The following PTCHD4 variants were observed in gnomAD, a reference collection of about 807,000 sequenced individuals.
PTCHD4 encodes the protein patched domain containing 4.
Under a neutral mutation model 58.1 loss-of-function variants are expected in PTCHD4, and 33 were observed. The observed-to-expected ratio is 0.57, with a 90% confidence interval of 0.43 to 0.76. The LOEUF (loss-of-function observed/expected upper bound fraction) is 0.76. Ranked by LOEUF, PTCHD4 falls within the 30% of genes least tolerant of loss-of-function variation. The pLI is 0.00. For missense variants in PTCHD4, 1,058 were observed against 1,027.1 expected (o/e 1.03, Z -0.41); for synonymous variants, 478 against 409.6 (o/e 1.17, Z -2.02).
intron 3 of PTCHD4, among the ~76,000 whole-genome samples, chr6:48,036,431 T>C (rs1763639017): frequency 6.6e-6 from 1 of 152,112 alleles, no homozygotes; most frequent in Non-Finnish European, 1.5e-5. Flanking sequence ...GAATAACTAA[T>C]TCATAAGTTT....
rs1230913620 is a variant in PTCHD4, at chr6:48,092,797, G to A, written c.-970+18252C>T. On this transcript the variant is annotated intron_variant, in intron 1 of 4. Transcript: ENST00000339488. ...AACTCCCCTTCCCTAGCATGGGAAT[G>A]GGTCTCAGTGAGGCCACCAAGGCAA... 2.6e-5 allele frequency among the ~76,000 whole-genome samples: 4 copies of A among 152,186 alleles called. No homozygotes were observed. The South Asian group carries it at 8.3e-4, about 32-fold the overall frequency.
At chr6:48,083,968 C>A (rs1283146103) in intron 1 of PTCHD4, among the ~76,000 whole-genome samples, 1 of 152,024 alleles carries the variant, frequency 6.6e-6, no homozygotes, top group Admixed American at 6.5e-5. Context: ...GACTTTTGAG[C>A]TAAATATCTG....
chr6:47,984,046 G>A (rs1581971962), intron 4 of PTCHD4, among the ~76,000 whole-genome samples: 1 of 151,958 alleles, frequency 6.6e-6, no homozygotes, highest in Non-Finnish European at 1.5e-5. Flanking sequence ...ATCAATAAGT[G>A]TTTTATTAGA....
Position 47,876,763 on chromosome 6 carries a change from C to A in PTCHD4, c.*1540G>T, listed in dbSNP as rs1051917078. Among the ~76,000 whole-genome samples the A allele has an allele frequency of 4.6e-5, 7 of 151,990 alleles. No homozygotes were observed. Among genetic ancestry groups the A allele is most frequent in the Admixed American group, 3.9e-4 (6 of 15,232 alleles). On this transcript the variant is annotated 3_prime_UTR_variant, in exon 5 of 5. Transcript: ENST00000339488. The stretch of plus-strand genomic sequence containing the variant: ...TGCTTGGCATGGGAAAAGGCATTTT[C>A]TAGTAATTTCCTGTGACAGGAGGCA...
intron 3 of PTCHD4, among the ~76,000 whole-genome samples, chr6:48,039,292 A>C (rs1374176418): frequency 1.3e-5 from 2 of 152,184 alleles, no homozygotes. Flanking sequence ...TTAGCAAGGA[A>C]CATATACTAT....
chr6:47,987,303 T>C (rs1413399408), intron 4 of PTCHD4, among the ~76,000 whole-genome samples: 1 of 150,576 alleles, frequency 6.6e-6, no homozygotes, highest in Non-Finnish European at 1.5e-5. Flanking sequence ...ATATACCCAA[T>C]GCTAAATGAT....
intron 4 of PTCHD4, among the ~76,000 whole-genome samples, chr6:47,929,098 T>C (rs1206364216): frequency 2.0e-5 from 3 of 152,202 alleles, no homozygotes; most frequent in Non-Finnish European, 4.4e-5. Context: ...TAATATTTCA[T>C]TTTAATAACC....
chr6:47,975,401 A>T (rs534309957), intron 4 of PTCHD4, among the ~76,000 whole-genome samples: 179 of 152,158 alleles, frequency 1.2e-3, no homozygotes, highest in African/African-American at 2.9e-3. Flanking sequence ...TACATTTTTT[A>T]AAAAAATTAT....
chr6:47,891,495 C>T (rs1369858360), intron 4 of PTCHD4, among the ~76,000 whole-genome samples: 2 of 152,124 alleles, frequency 1.3e-5, no homozygotes, highest in Admixed American at 6.5e-5. Context: ...GACTAAATCT[C>T]TTCCTTTCAA....
chr6:47,883,711 C>G (rs924139280), intron 4 of PTCHD4, among the ~76,000 whole-genome samples: 1 of 152,070 alleles, frequency 6.6e-6, no homozygotes, highest in Non-Finnish European at 1.5e-5. Context: ...TCTTTATTGT[C>G]GGGGACTGTC....
At chr6:47,881,383 G>A (rs1225201062) in intron 4 of PTCHD4, among the ~76,000 whole-genome samples, 1 of 152,128 alleles carries the variant, frequency 6.6e-6, no homozygotes, top group African/African-American at 2.4e-5. Context: ...AACTAGAGGT[G>A]TTTCATGTGA....
At chr6:47,916,485 C>A (rs1291042678) in intron 4 of PTCHD4, among the ~76,000 whole-genome samples, 1 of 152,116 alleles carries the variant, frequency 6.6e-6, no homozygotes, top group Admixed American at 6.5e-5. Context: ...TCTCTCCCCA[C>A]CACCTACAAA....
rs1763696410 is a variant in PTCHD4 at position 47,870,815 on chromosome 6, G to A, written c.*7488C>T. ...AGGTAGCTTTAGTTGTAGAGCCCAA[G>A]GTACAGAACTACAGAGCAGAAACCT... is the stretch of plus-strand genomic sequence containing the variant. On this transcript the variant is annotated 3_prime_UTR_variant, in exon 5 of 5. Coordinates refer to ENST00000339488, the MANE Select transcript of PTCHD4 (RefSeq NM_001384253.1). Among the ~76,000 whole-genome samples the A allele has an allele frequency of 6.6e-6, 1 of 151,440 alleles. No individual in the cohort carries two copies. Among genetic ancestry groups the A allele is most frequent in the African/African-American group, 2.4e-5 (1 of 41,336 alleles).
intron 4 of PTCHD4, among the ~76,000 whole-genome samples, chr6:47,946,189 A>G (rs1435077425): frequency 6.6e-6 from 1 of 152,078 alleles, no homozygotes; most frequent in Non-Finnish European, 1.5e-5. Context: ...TCTCACTCTC[A>G]GTGCATGATT....
In PTCHD4 at chr6:47,880,210, G is replaced by T. The variant is rs532679410; in HGVS notation, c.899-274C>A. 2.6e-5 allele frequency among the ~76,000 whole-genome samples: 4 copies of T among 152,160 alleles called. No homozygotes were observed. In the South Asian group the frequency reaches 8.3e-4, roughly 32 times the overall value. On this transcript the variant is annotated intron_variant, in intron 4 of 4. Coordinates refer to ENST00000339488, the MANE Select transcript of PTCHD4 (RefSeq NM_001384253.1). ...TGACAAGTTGTAAATATAATGTTAC[G>T]TTATTACATGATGTTTTTCCCCTGA...
chr6:48,098,088 C>A (rs941963642), intron 1 of PTCHD4, among the ~76,000 whole-genome samples: 9 of 152,094 alleles, frequency 5.9e-5, no homozygotes, highest in Non-Finnish European at 1.3e-4. Flanking sequence ...CAGCCACAAT[C>A]ACCCAAACTG....
At chr6:47,958,912 T>C (rs1336702677) in intron 4 of PTCHD4, among the ~76,000 whole-genome samples, 1 of 152,184 alleles carries the variant, frequency 6.6e-6, no homozygotes, top group Admixed American at 6.5e-5. Flanking sequence ...ATTGCTCTGA[T>C]TTCACTTAAC....
rs1257728202 is a variant in PTCHD4, at chr6:47,866,213, C to A, written c.*12090G>T. Among the ~76,000 whole-genome samples, 3 of 151,868 alleles carry A rather than the reference C, an allele frequency of 2.0e-5. No homozygotes were observed. The highest frequency in any genetic ancestry group is 7.2e-5 in the African/African-American group (3 of 41,394). On this transcript the variant is annotated 3_prime_UTR_variant, in exon 5 of 5. Transcript: ENST00000339488. ...TTAAAACTTCACTTAATAAAAGGCTCTATCAGTATTTATTGGATTAAATGT... is the reference window on the plus strand; with the variant it reads ...TTAAAACTTCACTTAATAAAAGGCTATATCAGTATTTATTGGATTAAATGT...
At chr6:47,913,042 T>A (rs1217742658) in intron 4 of PTCHD4, among the ~76,000 whole-genome samples, 1 of 152,128 alleles carries the variant, frequency 6.6e-6, no homozygotes, top group Admixed American at 6.6e-5. Context: ...AGCTAATTTA[T>A]CCCCAATTTT....
Sources: gnomAD v4.1 joint callset for allele counts (sites outside exome capture counted in the v4.1 genomes callset) on GRCh38, gnomAD v4.1.1 for gene constraint, MANE v1.5 for transcripts, NCBI Gene and HGNC (gene_info 2026-07-23, HGNC 2026-07-21) for gene names.